Variants in RESF1 observed in about 807,000 individuals in gnomAD.
The protein encoded by RESF1 is gonad expressed transcript.
RESF1 carries 65 observed loss-of-function variants against 134.7 expected under a neutral mutation model. That is an observed-to-expected ratio of 0.48 (90% CI 0.40 to 0.59). The LOEUF (loss-of-function observed/expected upper bound fraction) is 0.59, where lower values mean the gene tolerates loss of function less well. RESF1 is among the 20% of genes least tolerant of loss of function. The pLI is 0.00. For missense variants in RESF1, 2,274 were observed against 2,002.7 expected, an observed-to-expected ratio of 1.14 and a Z score of -2.59; for synonymous variants, 762 against 702.2, an observed-to-expected ratio of 1.09 and a Z score of -1.35.
intron 2 of RESF1, among the ~76,000 whole-genome samples, chr12:31,965,805 C>T (rs1707168641): frequency 6.6e-6 from 1 of 150,458 alleles, no homozygotes. Flanking sequence ...GCAGGAGAAT[C>T]GCTTAAACTC....
chr12:31,966,459 T>C (rs1336420577), intron 2 of RESF1, among the ~76,000 whole-genome samples: 3 of 152,230 alleles, frequency 2.0e-5, no homozygotes, highest in Non-Finnish European at 2.9e-5. Flanking sequence ...TTCTCTGCTC[T>C]GAAGGCACAA....
intron 5 of RESF1, among the ~76,000 whole-genome samples, chr12:31,990,494 C>T (rs1940073403): frequency 6.6e-6 from 1 of 152,068 alleles, no homozygotes; most frequent in African/African-American, 2.4e-5. Flanking sequence ...GTCGCCCAGG[C>T]TGGAGTGCAG....
At chr12:31,969,698 G>T (rs1174976417) in intron 2 of RESF1, among the ~76,000 whole-genome samples, 1 of 152,122 alleles carries the variant, frequency 6.6e-6, no homozygotes, top group African/African-American at 2.4e-5. Flanking sequence ...GAGTGCAGTG[G>T]CATGATTCCC....
At position 31,981,674 on chromosome 12, in the gene RESF1, C is replaced by A. The variant is rs759392973; in HGVS notation, c.719C>A (p.Thr240Lys). 3.1e-6 allele frequency: 5 copies of A among 1,613,652 alleles called. No homozygotes were observed. The African/African-American group carries it at 6.7e-5, about 22-fold the overall frequency. Residue 240 changes from threonine (T) to lysine (K), a missense_variant, in exon 4 of 6, where the codon ACA becomes AAA. Physicochemically the swap from Thr to Lys is moderately conservative, Grantham distance 78. Coordinates refer to ENST00000312561, the MANE Select transcript of RESF1 (RefSeq NM_018169.4). ...CAAAAACAAAACTTTATACCACATACATCATTGCAAGTTAAAAATAGTCAG... is the reference window on the plus strand; with the variant it reads ...CAAAAACAAAACTTTATACCACATAAATCATTGCAAGTTAAAAATAGTCAG... The part of the protein sequence containing the change: ...TIQKQNFIPH[T>K]SLQVKNSQLL...
In RESF1 at chr12:31,981,753, A is replaced by G; in HGVS notation, c.798A>G (p.Ser266=). The change falls in exon 4 of 6, where the codon TCA becomes TCG. Residue 266 remains serine (S), a synonymous_variant. Transcript: ENST00000312561. The part of the protein sequence containing the change: ...LPSRQTSAVP[S]QQYATQTDKR... ...CAAGGCAGACCTCAGCTGTACCATCACAGCAGTATGCCACGCAAACTGACA... is the reference window on the plus strand; with the variant it reads ...CAAGGCAGACCTCAGCTGTACCATCGCAGCAGTATGCCACGCAAACTGACA... 1 of 1,613,834 alleles carries G rather than the reference A, an allele frequency of 6.2e-7. No individual in the cohort carries two copies. Among genetic ancestry groups the G allele is most frequent in the Non-Finnish European group, 8.5e-7 (1 of 1,179,998 alleles).
At chr12:31,968,744 G>A (rs531187891) in intron 2 of RESF1, among the ~76,000 whole-genome samples, 13 of 152,254 alleles carry the variant, frequency 8.5e-5, no homozygotes, top group Admixed American at 5.9e-4. Context: ...CACCGCGCCC[G>A]GCCTAGGACT....
At position 31,984,389 on chromosome 12, in the gene RESF1, G is replaced by C; in HGVS notation, c.3434G>C (p.Ser1145Thr). 6.2e-7 allele frequency: 1 copy of C among 1,614,186 alleles called. No homozygotes were observed. The highest frequency in any genetic ancestry group is 1.1e-5 in the South Asian group (1 of 91,092). Residue 1145 changes from serine (S) to threonine (T), a missense_variant, in exon 4 of 6, where the codon AGC becomes ACC. By Grantham distance (58) the Ser-to-Thr change is moderately conservative (BLOSUM62 1). Transcript: ENST00000312561. ...QKEEPITEVV[S>T]QCDLQAPAAG... ...GAAGAGCCCATCACAGAAGTAGTTA[G>C]CCAGTGTGACCTGCAGGCACCTGCA...
At position 31,982,391 on chromosome 12, in the gene RESF1, A is replaced by T; in HGVS notation, c.1436A>T (p.Asn479Ile). ...TPTVVESAET[N>I]KTQCMLNSDI... ...ACAGTAGTGGAATCTGCAGAAACAA[A>T]TAAGACTCAATGTATGTTGAATTCT... Residue 479 changes from asparagine to isoleucine, a missense_variant, in exon 4 of 6, where the codon AAT becomes ATT. Transcript: ENST00000312561. The T allele has an allele frequency of 6.2e-7, 1 of 1,614,162 alleles. No homozygotes were observed. Among genetic ancestry groups the T allele is most frequent in the Non-Finnish European group, 8.5e-7 (1 of 1,180,018 alleles).
Position 31,960,088 on chromosome 12 carries a change from G to A in RESF1, c.-342+597G>A, listed in dbSNP as rs1211348143. On this transcript the variant is annotated intron_variant, in intron 1 of 5. Coordinates refer to ENST00000312561, the MANE Select transcript of RESF1 (RefSeq NM_018169.4). The stretch of plus-strand genomic sequence containing the variant: ...AGTGGTCCGCGAACGCTTCTGCGCC[G>A]GCGATGGTTTCTGTTCCTCAGCAAT... Among the ~76,000 whole-genome samples, 6 of 151,998 alleles carry A rather than the reference G, an allele frequency of 3.9e-5. No homozygotes were observed. The East Asian group carries it at 5.8e-4, about 15-fold the overall frequency.
rs1170552557 is a variant in RESF1 at position 31,983,642 on chromosome 12, G to A, written c.2687G>A (p.Cys896Tyr). The change falls in exon 4 of 6, where the codon TGT becomes TAT. Residue 896 changes from cysteine (C) to tyrosine (Y), a missense_variant. Coordinates refer to ENST00000312561, the MANE Select transcript of RESF1 (RefSeq NM_018169.4). ...SSDTLQIDNI[C>Y]SLVEGDTSYN... ...GATACATTACAGATTGACAATATTT[G>A]TTCTCTGGTTGAAGGTGATACCTCT... 2.5e-6 allele frequency: 4 copies of A among 1,613,940 alleles called. No individual in the cohort carries two copies. The highest frequency in any genetic ancestry group is 3.4e-6 in the Non-Finnish European group (4 of 1,179,996).
At chr12:31,974,924 G>T (rs1592255443) in intron 3 of RESF1, among the ~76,000 whole-genome samples, 1 of 131,404 alleles carries the variant, frequency 7.6e-6, no homozygotes, top group East Asian at 2.1e-4. Flanking sequence ...TGTGGTGGCT[G>T]CCTTTTTTTT....
intron 3 of RESF1, 46 bp from the exon 4 acceptor site, chr12:31,980,832 A>T: frequency 1.4e-6 from 1 of 722,450 alleles, no homozygotes; most frequent in Non-Finnish European, 2.2e-6. Context: ...TAGATATTCT[A>T]TCTAGGCAAA....
At position 31,983,890 on chromosome 12, in the gene RESF1, T is replaced by G; in HGVS notation, c.2935T>G (p.Leu979Val). Residue 979 changes from leucine to valine, a missense_variant, in exon 4 of 6, where the codon TTA becomes GTA. Transcript: ENST00000312561. ...ICDQSKSEPP[L>V]ESSFNNLETN... ...TGATCAGTCAAAGTCAGAGCCACCC[T>G]TAGAGTCATCTTTTAACAATCTTGA... The G allele has an allele frequency of 6.2e-7, 1 of 1,613,810 alleles. No individual in the cohort carries two copies. Among genetic ancestry groups the G allele is most frequent in the African/African-American group, 1.3e-5 (1 of 75,038 alleles).
intron 2 of RESF1, among the ~76,000 whole-genome samples, chr12:31,964,901 C>T (rs1377156898): frequency 6.6e-6 from 1 of 152,124 alleles, no homozygotes; most frequent in Non-Finnish European, 1.5e-5. Context: ...GGTTCTGTTC[C>T]ATTGATCAAT....
Position 31,981,859 on chromosome 12 carries a change from T to C in RESF1, c.904T>C (p.Ser302Pro). 3 of 1,614,054 alleles carry C rather than the reference T, an allele frequency of 1.9e-6. No individual in the cohort carries two copies. Among genetic ancestry groups the C allele is most frequent in the Non-Finnish European group, 1.7e-6 (2 of 1,180,030 alleles). Residue 302 changes from serine (S) to proline (P), a missense_variant, in exon 4 of 6, where the codon TCT (serine) becomes CCT (proline). Transcript: ENST00000312561. Reference protein sequence around the residue: ...QSTQHITKHLSMEVPQSREML... With the variant: ...QSTQHITKHLPMEVPQSREML... Reference sequence around the variant, plus strand: ...TACTCAGCATATTACTAAACACTTGTCTATGGAAGTTCCTCAGAGTCGAGA... The same window carrying C: ...TACTCAGCATATTACTAAACACTTGCCTATGGAAGTTCCTCAGAGTCGAGA...
intron 3 of RESF1, among the ~76,000 whole-genome samples, chr12:31,979,714 A>ATT (rs766734847): frequency 3.5e-5 from 5 of 142,990 alleles, no homozygotes; most frequent in African/African-American, 1.3e-4. Context: ...TGACGGGGTA[A>ATT]TTTTTTTTTT....
Position 31,973,414 on chromosome 12 carries a change from C to A in RESF1, c.-79+3058C>A, listed in dbSNP as rs900921325. 3.3e-5 allele frequency among the ~76,000 whole-genome samples: 5 copies of A among 152,122 alleles called. No individual in the cohort carries two copies. In the South Asian group the frequency reaches 1.0e-3, roughly 32 times the overall value. On this transcript the variant is annotated intron_variant, in intron 3 of 5. Coordinates refer to ENST00000312561, the MANE Select transcript of RESF1 (RefSeq NM_018169.4). Reference sequence around the variant, plus strand: ...CCTCAAACATCTGGGCTCAAACAGTCCTCCCATCTCTGCCTCCTGAGTATC... The same window carrying A: ...CCTCAAACATCTGGGCTCAAACAGTACTCCCATCTCTGCCTCCTGAGTATC...
intron 5 of RESF1, among the ~76,000 whole-genome samples, chr12:31,991,225 A>G (rs1382068144): frequency 6.6e-6 from 1 of 151,946 alleles, no homozygotes; most frequent in African/African-American, 2.4e-5. Flanking sequence ...CAGGAGAAAC[A>G]GATGTCTAAA....
intron 5 of RESF1, among the ~76,000 whole-genome samples, chr12:31,990,879 A>G (rs944400811): frequency 1.3e-5 from 2 of 152,220 alleles, no homozygotes; most frequent in Non-Finnish European, 2.9e-5. Flanking sequence ...GAAAAATGCC[A>G]TGAACTCCCA....
Sources: allele counts gnomAD v4.1 joint callset (sites outside exome capture counted in the v4.1 genomes callset), GRCh38; gene constraint gnomAD v4.1.1; transcripts MANE v1.5; gene names NCBI Gene and HGNC (gene_info 2026-07-23, HGNC 2026-07-21).